USP5: variants seen among roughly 807,000 people sequenced by gnomAD.
USP5 encodes the protein ubiquitin specific peptidase 5.
In USP5, 24 loss-of-function variants were observed where a neutral mutation model predicts 102.5. The observed-to-expected ratio is 0.23, with a 90% confidence interval of 0.17 to 0.33. The LOEUF (loss-of-function observed/expected upper bound fraction) is 0.33, where lower values mean the gene tolerates loss of function less well. Ranked by LOEUF, USP5 falls within the 10% of genes least tolerant of loss-of-function variation. USP5 has a pLI of 1.00. For missense variants in USP5, 753 were observed against 1,122.1 expected, an observed-to-expected ratio of 0.67 and a Z score of 4.70; for synonymous variants, 460 against 434.8, an observed-to-expected ratio of 1.06 and a Z score of -0.72.
At chr12:6,853,237 C>T (rs1943997280) in intron 1 of USP5, among the ~76,000 whole-genome samples, 1 of 152,214 alleles carries the variant, frequency 6.6e-6, no homozygotes, top group African/African-American at 2.4e-5. Flanking sequence ...CCAGTGTATT[C>T]TGCCAGAACC....
At chr12:6,857,341 T>G in intron 6 of USP5, 1 of 396,852 alleles carries the variant, frequency 2.5e-6, no homozygotes. Flanking sequence ...TACTCCCCAC[T>G]CAAATCCTCA....
In USP5 at chr12:6,865,225, C is replaced by T; in HGVS notation, c.2460C>T (p.Val820=). The change falls in exon 19 of 20, where the codon GTC becomes GTT. Residue 820 remains valine, a synonymous_variant. Transcript: ENST00000229268. ...CCTCTACCATGTGTGGTCACTACGTCTGCCACATCAAGAAAGAAGGCAGGT... is the reference window on the plus strand; with the variant it reads ...CCTCTACCATGTGTGGTCACTACGTTTGCCACATCAAGAAAGAAGGCAGGT... ...MGTSTMCGHY[V]CHIKKEGRWV... 6.2e-7 allele frequency: 1 copy of T among 1,613,862 alleles called. No homozygotes were observed. The highest frequency in any genetic ancestry group is 2.2e-5 in the East Asian group (1 of 44,886).
Position 6,860,573 on chromosome 12 carries a change from C to T in USP5, c.1344+82C>T. On this transcript the variant is annotated intron_variant, in intron 11 of 19. Coordinates refer to ENST00000229268, the MANE Select transcript of USP5 (RefSeq NM_001098536.2). This position sits in a 1 kb window ranked among gnomAD's most constrained non-coding sequence, Gnocchi z 5.5. The stretch of plus-strand genomic sequence containing the variant: ...CCTGCCCATTTCTCCCTCTATCAGC[C>T]CCAACCCAGTCCCATCCCTGAACCC... 1 of 1,589,200 alleles carries T rather than the reference C, an allele frequency of 6.3e-7. No individual in the cohort carries two copies. The highest frequency in any genetic ancestry group is 8.5e-7 in the Non-Finnish European group (1 of 1,171,876).
chr12:6,860,211 C>A lies in USP5; in HGVS notation c.1191C>A (p.Gly397=). 6.2e-7 allele frequency: 1 copy of A among 1,608,308 alleles called. No homozygotes were observed. The highest frequency in any genetic ancestry group is 8.5e-7 in the Non-Finnish European group (1 of 1,178,332). ...GEYSKPVPES[G]DGERVPEQKE... ...ATTCCAAGCCAGTACCGGAGTCGGG[C>A]GATGGGGAGCGGGTGCCAGAACAGA... The change falls in exon 10 of 20, where the codon GGC becomes GGA. Residue 397 remains glycine, a synonymous_variant. Transcript: ENST00000229268. The surrounding 1 kb of genome is among the most constrained non-coding windows in gnomAD (Gnocchi z 5.5).
chr12:6,863,936 C>T lies in USP5; in HGVS notation c.2061C>T (p.Ala687=), dbSNP rs199918732. The T allele has an allele frequency of 2.1e-5, 33 of 1,607,354 alleles. No individual in the cohort carries two copies. In the African/African-American group the frequency reaches 2.3e-4, roughly 11 times the overall value. Residue 687 remains alanine (A), a synonymous_variant, in exon 16 of 20, where the codon GCC becomes GCT. Transcript: ENST00000229268. The surrounding 1 kb of genome is among the most constrained non-coding windows in gnomAD (Gnocchi z 4.7). ...VYYTGNSGAE[A]AMNWVMSHMD... is the part of the protein sequence containing the mutation. ...ACACGGGCAACAGCGGGGCTGAGGC[C>T]GCCATGAACTGGGTCATGTCACACA...
rs1458923933 is a variant in USP5, at chr12:6,865,374, G to A, written c.2483+126G>A. On this transcript the variant is annotated intron_variant, in intron 19 of 19. Coordinates refer to ENST00000229268, the MANE Select transcript of USP5 (RefSeq NM_001098536.2). ...TGCCTGATGGGGACATAAAGTGCCA[G>A]AGAGTGACAGAAGGTCTTGCAGCAG... The A allele has an allele frequency of 3.6e-6, 3 of 828,460 alleles. No homozygotes were observed. The African/African-American group carries it at 5.1e-5, about 14-fold the overall frequency. 51.3% of individuals were successfully genotyped at this position (828,460 alleles called of 1,614,324 possible). A position where few individuals can be genotyped will look rare whatever the true frequency, so the allele number is the denominator to read the frequency against.
Position 6,858,776 on chromosome 12 carries a change from C to A in USP5, c.1058+159C>A. The A allele has an allele frequency of 1.6e-6, 1 of 625,620 alleles. No individual in the cohort carries two copies. The allele number at this position is 625,620 out of a possible 1,614,324, so 38.8% of individuals were successfully genotyped here. A position where few individuals can be genotyped will look rare whatever the true frequency, so the allele number is the denominator to read the frequency against. ...GCCCACACCCGTAATCCCAGTACTT[C>A]GGGAGGCCAAGATGGGAGAATTGCT... On this transcript the variant is annotated intron_variant, in intron 8 of 19. Transcript: ENST00000229268. This position sits in a 1 kb window ranked among gnomAD's most constrained non-coding sequence, Gnocchi z 4.2.
chr12:6,856,353 A>C lies in USP5; in HGVS notation c.487A>C (p.Lys163Gln), dbSNP rs781878572. Reference sequence around the variant, plus strand: ...ACTGTCGGCCGACTCAGCCTCCCGCAAGCAGGAGGTGCAGGCATGGGATGG... The same window carrying C: ...ACTGTCGGCCGACTCAGCCTCCCGCCAGCAGGAGGTGCAGGCATGGGATGG... ...ALLSADSASR[K>Q]QEVQAWDGEV... The change falls in exon 5 of 20, where the codon AAG becomes CAG. Residue 163 changes from lysine to glutamine, a missense_variant. Around this residue, in one of 3 missense-constraint regions of USP5, gnomAD observed 527 missense variants for 816.5 expected, o/e 0.65. Coordinates refer to ENST00000229268, the MANE Select transcript of USP5 (RefSeq NM_001098536.2). The surrounding 1 kb of genome is among the most constrained non-coding windows in gnomAD (Gnocchi z 5.6). 1 of 1,613,900 alleles carries C rather than the reference A, an allele frequency of 6.2e-7. No homozygotes were observed. Among genetic ancestry groups the C allele is most frequent in the Non-Finnish European group, 8.5e-7 (1 of 1,179,946 alleles).
rs1259008921 is a variant in USP5, at chr12:6,866,277, C to T, written c.*200C>T. The T allele has an allele frequency of 3.3e-5, 19 of 573,430 alleles. No homozygotes were observed. Among genetic ancestry groups the T allele is most frequent in the Non-Finnish European group, 5.3e-5 (17 of 321,964 alleles). The allele number at this position is 573,430 out of a possible 1,614,324, so 35.5% of individuals were successfully genotyped here. ...GATAGACTCTGGGGATGGAGCAGGA[C>T]GGGGACGGGAGGGGCCGGCCACCTG... On this transcript the variant is annotated 3_prime_UTR_variant, in exon 20 of 20. Transcript: ENST00000229268. The surrounding 1 kb of genome is among the most constrained non-coding windows in gnomAD (Gnocchi z 4.7).
chr12:6,865,907 C>A, intron 19 of USP5, 77 bp from the exon 20 acceptor site: 2 of 1,275,210 alleles, frequency 1.6e-6, no homozygotes, highest in Non-Finnish European at 2.3e-6. Context: ...CTTCCAGGGG[C>A]CATGTCTGAG....
At chr12:6,852,722 G>A (rs147157708) in intron 1 of USP5, among the ~76,000 whole-genome samples, 4 of 152,208 alleles carry the variant, frequency 2.6e-5, no homozygotes, top group African/African-American at 9.6e-5. Context: ...GTTGGAGTTG[G>A]GGGGTGGGGA....
Position 6,856,268 on chromosome 12 carries a change from G to A in USP5, c.439-37G>A, listed in dbSNP as rs143386381. 983 of 1,606,236 alleles carry A rather than the reference G, an allele frequency of 6.1e-4. 10 individuals are homozygous for A. The African/African-American group carries it at 0.011, about 18-fold the overall frequency. ...GGGGAAGAGGGGCATGTGGGGCAGG[G>A]GGTTGGGTATTGCCTCTGACCCTCT... is the stretch of plus-strand genomic sequence containing the variant. On this transcript the variant is annotated intron_variant, in intron 4 of 19. Transcript: ENST00000229268. The surrounding 1 kb of genome is among the most constrained non-coding windows in gnomAD (Gnocchi z 5.6).
chr12:6,855,349 G>T lies in USP5; in HGVS notation c.112-52G>T. 1.2e-6 allele frequency: 2 copies of T among 1,605,138 alleles called. No individual in the cohort carries two copies. Among genetic ancestry groups the T allele is most frequent in the South Asian group, 2.2e-5 (2 of 89,704 alleles). ...ACTCCAGGTTTTGGTTTCCTCACCT[G>T]ACCAGGCTTCATAACATCCTCGTGT... is the stretch of plus-strand genomic sequence containing the variant. On this transcript the variant is annotated intron_variant, in intron 1 of 19. Transcript: ENST00000229268. The surrounding 1 kb of genome is among the most constrained non-coding windows in gnomAD (Gnocchi z 4.6).
chr12:6,852,291 G>A lies in USP5; in HGVS notation c.111+1G>A. 6.2e-7 allele frequency: 1 copy of A among 1,606,200 alleles called. No individual in the cohort carries two copies. Among genetic ancestry groups the A allele is most frequent in the Non-Finnish European group, 8.5e-7 (1 of 1,176,594 alleles). On this transcript the variant is annotated splice_donor_variant, in intron 1 of 19. Coordinates refer to ENST00000229268, the MANE Select transcript of USP5 (RefSeq NM_001098536.2). LOFTEE classifies it high-confidence loss of function. The stretch of plus-strand genomic sequence containing the variant: ...GTGCGCCTTCTCCTTCGACACGCCG[G>A]TAAGCCCATTCCCCACGCCCGCAAC...
At chr12:6,852,319 G>A in intron 1 of USP5, 29 bp downstream of exon 1, 2 of 1,583,666 alleles carry the variant, frequency 1.3e-6, no homozygotes, top group Non-Finnish European at 1.7e-6. Flanking sequence ...CCCGCAACGA[G>A]CACGACTTCC....
In USP5 at chr12:6,864,966, G is replaced by A; in HGVS notation, c.2398+91G>A. 6.6e-7 allele frequency: 1 copy of A among 1,512,544 alleles called. No homozygotes were observed. Among genetic ancestry groups the A allele is most frequent in the Non-Finnish European group, 8.9e-7 (1 of 1,125,444 alleles). 93.7% of individuals were successfully genotyped at this position (1,512,544 alleles called of 1,614,324 possible). On this transcript the variant is annotated intron_variant, in intron 18 of 19. Transcript: ENST00000229268. The surrounding 1 kb of genome is among the most constrained non-coding windows in gnomAD (Gnocchi z 4.8). Reference sequence around the variant, plus strand: ...CATTCAGGCAGCTCTGCCCTCCTCAGGAGTCAGGGGCTTCTTTCCACCTCA... The same window carrying A: ...CATTCAGGCAGCTCTGCCCTCCTCAAGAGTCAGGGGCTTCTTTCCACCTCA...
rs782235822 is a variant in USP5 at position 6,852,154 on chromosome 12, T to C, written c.-26T>C. On this transcript the variant is annotated 5_prime_UTR_variant, in exon 1 of 20. Coordinates refer to ENST00000229268, the MANE Select transcript of USP5 (RefSeq NM_001098536.2). ...GGACTGGGAACGGTGGGAGCCGCCG[T>C]GTGTGGAGAAGCTGCTGCCGGTGTC... 7.5e-6 allele frequency: 12 copies of C among 1,596,298 alleles called. No homozygotes were observed. Among genetic ancestry groups the C allele is most frequent in the Non-Finnish European group, 1.0e-5 (12 of 1,171,554 alleles).
chr12:6,864,586 G>T lies in USP5; in HGVS notation c.2245-136G>T, dbSNP rs1944376371. On this transcript the variant is annotated intron_variant, in intron 17 of 19. Coordinates refer to ENST00000229268, the MANE Select transcript of USP5 (RefSeq NM_001098536.2). The surrounding 1 kb of genome is among the most constrained non-coding windows in gnomAD (Gnocchi z 4.8). ...CGTCTGTAGTCCCAGCTACTTGGGA[G>T]GCTGAGGCAGGAGAAAGGCGTGAAC... 1.0e-6 allele frequency: 1 copy of T among 972,330 alleles called. No homozygotes were observed. The highest frequency in any genetic ancestry group is 1.6e-5 in the African/African-American group (1 of 60,906). 60.2% of individuals were successfully genotyped at this position (972,330 alleles called of 1,614,324 possible). A position where few individuals can be genotyped will look rare whatever the true frequency, so the allele number is the denominator to read the frequency against.
chr12:6,864,290 G>A lies in USP5; in HGVS notation c.2244+95G>A. The A allele has an allele frequency of 6.8e-7, 1 of 1,466,604 alleles. No individual in the cohort carries two copies. The highest frequency in any genetic ancestry group is 1.4e-5 in the African/African-American group (1 of 70,930). The allele number at this position is 1,466,604 out of a possible 1,614,324, so 90.8% of individuals were successfully genotyped here. ...TCTTGAGCAAGACCAAAGACAACAG[G>A]TGTGGTCTGGCCGAGGTTGGGCACC... On this transcript the variant is annotated intron_variant, in intron 17 of 19. Coordinates refer to ENST00000229268, the MANE Select transcript of USP5 (RefSeq NM_001098536.2). This position sits in a 1 kb window ranked among gnomAD's most constrained non-coding sequence, Gnocchi z 4.8.
Sources: gnomAD v4.1 joint callset for allele counts (sites outside exome capture counted in the v4.1 genomes callset) on GRCh38, gnomAD v4.1.1 for gene constraint, gnomAD v4.1.1 regional missense constraint, Gnocchi (gnomAD v3.1) non-coding constraint, MANE v1.5 for transcripts, NCBI Gene and HGNC (gene_info 2026-07-23, HGNC 2026-07-21) for gene names.